Variants in ABCB1 observed in about 807,000 individuals in gnomAD.
The protein encoded by ABCB1 is ATP binding cassette subfamily B member 1.
Under a neutral mutation model 142.0 loss-of-function variants are expected in ABCB1, and 69 were observed. The ratio of observed to expected loss-of-function variants is 0.49; its 90% CI spans 0.40 to 0.59. ABCB1 has a LOEUF of 0.59. Among genes scored for constraint, ABCB1 ranks in the 20% least tolerant of loss-of-function variants. The probability of loss-of-function intolerance (pLI) is 0.00; values close to 1 mark genes in which losing one functional copy is unlikely to be tolerated. For synonymous variants in ABCB1, 532 were observed against 539.2 expected (o/e 0.99, Z 0.18); for missense variants, 1,326 against 1,554.7 (o/e 0.85, Z 2.47).
At chr7:87,659,653 A>G (rs1006193372) in intron 1 of ABCB1, among the ~76,000 whole-genome samples, 9 of 151,918 alleles carry the variant, frequency 5.9e-5, no homozygotes, top group African/African-American at 2.2e-4. Flanking sequence ...GTGTAGATAC[A>G]GTTTGCTAAT....
chr7:87,651,793 T>C (rs572075689), intron 1 of ABCB1, among the ~76,000 whole-genome samples: 76 of 152,194 alleles, frequency 5.0e-4, no homozygotes, highest in African/African-American at 1.6e-3. Context: ...TTTAAATGAG[T>C]TGAGCAGTAC....
At chr7:87,683,639 A>G (rs531211310) in intron 1 of ABCB1, among the ~76,000 whole-genome samples, 16 of 152,200 alleles carry the variant, frequency 1.1e-4, no homozygotes, top group Non-Finnish European at 2.1e-4. Flanking sequence ...GGTGTGGTTC[A>G]TGGCGCCCCA....
intron 1 of ABCB1, among the ~76,000 whole-genome samples, chr7:87,668,136 G>A (rs1400801497): frequency 6.7e-6 from 1 of 150,142 alleles, no homozygotes; most frequent in African/African-American, 2.4e-5. Flanking sequence ...TTTTTTGGTA[G>A]GCTATTTATT....
intron 20 of ABCB1, 47 bp from the exon 21 acceptor site, chr7:87,531,544 C>T (rs1391891163): frequency 6.4e-7 from 1 of 1,554,178 alleles, no homozygotes; most frequent in Non-Finnish European, 8.8e-7. Flanking sequence ...ATTATCTTCA[C>T]AACTCATGCT....
At chr7:87,628,665 C>G in intron 1 of ABCB1, 1 of 412,360 alleles carries the variant, frequency 2.4e-6, no homozygotes, top group Non-Finnish European at 4.1e-6. Flanking sequence ...TCCCCGGGTG[C>G]GAGTCCCTGC....
chr7:87,689,248 T>C (rs1157489481), intron 1 of ABCB1, among the ~76,000 whole-genome samples: 1 of 152,128 alleles, frequency 6.6e-6, no homozygotes, highest in African/African-American at 2.4e-5. Context: ...TCCAATTTCA[T>C]GTCTAACAGA....
intron 6 of ABCB1, 78 bp from the exon 7 acceptor site, chr7:87,566,319 T>C (rs1817780636): frequency 7.0e-7 from 1 of 1,422,424 alleles, no homozygotes; most frequent in Admixed American, 1.7e-5. Context: ...GTTTTGAGTG[T>C]AGGGTAGTTT....
chr7:87,602,801 A>G (rs1819511800), upstream of ABCB1, among the ~76,000 whole-genome samples: 1 of 152,204 alleles, frequency 6.6e-6, no homozygotes, highest in Non-Finnish European at 1.5e-5. Flanking sequence ...GAAAGTGTGA[A>G]TATAAAACAT....
chr7:87,505,745 G>T, intron 27 of ABCB1, 152 bp downstream of exon 27: 1 of 937,946 alleles, frequency 1.1e-6, no homozygotes, highest in Non-Finnish European at 1.6e-6. Flanking sequence ...TTACTCTCCT[G>T]AATAACAGCT....
chr7:87,706,748 C>G (rs1007670927), intron 1 of ABCB1, among the ~76,000 whole-genome samples: 1 of 152,122 alleles, frequency 6.6e-6, no homozygotes, highest in Admixed American at 6.5e-5. Context: ...GAAGTTGGAG[C>G]TTGGAACTGC....
rs566050545 is a variant in ABCB1, at chr7:87,540,090, T to A, written c.2320-745A>T. 1.1e-4 allele frequency among the ~76,000 whole-genome samples: 17 copies of A among 152,374 alleles called. No individual in the cohort carries two copies. The South Asian group carries it at 3.5e-3, about 32-fold the overall frequency. ...TAAAGAAAGAATTCAGTCTGTTTTT[T>A]CTTTTGCACCTCTTATAATGTCCAG... is the stretch of plus-strand genomic sequence containing the variant. On this transcript the variant is annotated intron_variant, in intron 18 of 27. Coordinates refer to ENST00000622132, the MANE Select transcript of ABCB1 (RefSeq NM_001348946.2).
At chr7:87,687,750 A>G (rs780671448) in intron 1 of ABCB1, among the ~76,000 whole-genome samples, 9 of 152,258 alleles carry the variant, frequency 5.9e-5, no homozygotes, top group East Asian at 3.9e-4. Flanking sequence ...CTCTAATCCA[A>G]TTGAACTGTT....
At chr7:87,563,205 T>G (rs115895266) in intron 7 of ABCB1, among the ~76,000 whole-genome samples, 191 of 152,320 alleles carry the variant, frequency 1.3e-3, no homozygotes, top group Non-Finnish European at 1.8e-3. Flanking sequence ...CAGGACCAGA[T>G]GAATTCATGG....
At position 87,541,114 on chromosome 7, in the gene ABCB1, C is replaced by T. The variant is rs578028646; in HGVS notation, c.2319+243G>A. On this transcript the variant is annotated intron_variant, in intron 18 of 27. Transcript: ENST00000622132. Reference sequence around the variant, plus strand: ...TGCCTTTCACCTCCAATCATCATATCAGGCCAAATACTCTGTTCCCCCTGG... The same window carrying T: ...TGCCTTTCACCTCCAATCATCATATTAGGCCAAATACTCTGTTCCCCCTGG... 2.0e-5 allele frequency among the ~76,000 whole-genome samples: 3 copies of T among 152,282 alleles called. No individual in the cohort carries two copies. The South Asian group carries it at 6.2e-4, about 32-fold the overall frequency.
At chr7:87,595,870 T>A in intron 2 of ABCB1, 56 bp from the exon 3 acceptor site, 1 of 1,347,182 alleles carries the variant, frequency 7.4e-7, no homozygotes, top group Non-Finnish European at 1.1e-6. Flanking sequence ...TTTTTTAAAT[T>A]ACCCAAATTA....
chr7:87,653,454 T>G (rs181558221), intron 1 of ABCB1, among the ~76,000 whole-genome samples: 1 of 152,222 alleles, frequency 6.6e-6, no homozygotes, highest in African/African-American at 2.4e-5. Flanking sequence ...GAAGCACTAC[T>G]GTTTTCTAGC....
upstream of ABCB1, among the ~76,000 whole-genome samples, chr7:87,602,601 C>T (rs1038550926): frequency 2.0e-5 from 3 of 152,084 alleles, no homozygotes; most frequent in South Asian, 4.1e-4. Flanking sequence ...TTAAACCCTC[C>T]CTAAACAGTG....
chr7:87,561,723 C>T (rs1817569899), intron 7 of ABCB1, among the ~76,000 whole-genome samples: 1 of 152,200 alleles, frequency 6.6e-6, no homozygotes, highest in Non-Finnish European at 1.5e-5. Flanking sequence ...TGGTGGCTCA[C>T]ACTTGTAATC....
At chr7:87,528,833 T>C (rs1270636776) in intron 21 of ABCB1, among the ~76,000 whole-genome samples, 1 of 152,174 alleles carries the variant, frequency 6.6e-6, no homozygotes, top group East Asian at 1.9e-4. Context: ...GTAATAATTT[T>C]GGGATATGAA....
Sources: allele counts gnomAD v4.1 joint callset (sites outside exome capture counted in the v4.1 genomes callset), GRCh38; gene constraint gnomAD v4.1.1; transcripts MANE v1.5; gene names NCBI Gene and HGNC (gene_info 2026-07-23, HGNC 2026-07-21).